The following NRG3 variants were observed in gnomAD, a reference collection of about 807,000 sequenced individuals.
The protein encoded by NRG3 is pro-neuregulin-3, membrane-bound isoform.
A neutral mutation model predicts 66.9 loss-of-function variants in NRG3; 31 were observed. That is an observed-to-expected ratio of 0.46 (90% CI 0.35 to 0.63). NRG3 has a LOEUF of 0.63. NRG3 is among the 20% of genes least tolerant of loss of function. The pLI, the probability that NRG3 is intolerant of heterozygous loss-of-function variation, is 0.00. For synonymous variants in NRG3, 393 were observed against 359.4 expected (o/e 1.09, Z -1.06); for missense variants, 910 against 878.9 (o/e 1.04, Z -0.45).
intron 2 of NRG3, among the ~76,000 whole-genome samples, chr10:82,562,775 G>C (rs900592015): frequency 6.6e-6 from 1 of 151,594 alleles, no homozygotes; most frequent in Non-Finnish European, 1.5e-5. Flanking sequence ...CTAGTGGTCG[G>C]CCTTGTTGGA....
rs549146792 is a variant in NRG3, at chr10:81,940,258, C to T, written c.823+64095C>T. Among the ~76,000 whole-genome samples, 4 of 152,108 alleles carry T rather than the reference C, an allele frequency of 2.6e-5. No homozygotes were observed. In the South Asian group the frequency reaches 8.3e-4, roughly 32 times the overall value. On this transcript the variant is annotated intron_variant, in intron 1 of 8. Transcript: ENST00000372141. ...GTATTCTGCTCTTATTCTGTGGAGA[C>T]CTCTGTATATGTCTCTTGGGTCCAG...
intron 3 of NRG3, among the ~76,000 whole-genome samples, chr10:82,838,255 G>C (rs2062877305): frequency 6.6e-6 from 1 of 152,134 alleles, no homozygotes; most frequent in Admixed American, 6.6e-5. Flanking sequence ...ACTCTGAAGG[G>C]TGTCAGTAGA....
At chr10:82,581,402 T>C (rs2046348336) in intron 2 of NRG3, among the ~76,000 whole-genome samples, 1 of 152,092 alleles carries the variant, frequency 6.6e-6, no homozygotes, top group African/African-American at 2.4e-5. Context: ...CTTAGTTTTC[T>C]TAATGGTATT....
chr10:81,922,808 G>C (rs1004635109), intron 1 of NRG3, among the ~76,000 whole-genome samples: 11 of 152,038 alleles, frequency 7.2e-5, no homozygotes, highest in Admixed American at 2.0e-4. Flanking sequence ...ATTTTTAAAT[G>C]TCCCAAATAT....
At chr10:81,989,610 T>C (rs911645680) in intron 1 of NRG3, among the ~76,000 whole-genome samples, 6 of 152,192 alleles carry the variant, frequency 3.9e-5, no homozygotes, top group African/African-American at 1.2e-4. Flanking sequence ...GTCATCTGTA[T>C]TGTTTTATGT....
At chr10:82,909,065 C>G (rs73311320) in intron 4 of NRG3, among the ~76,000 whole-genome samples, 5,970 of 152,242 alleles carry the variant, frequency 0.039, 138 homozygotes, top group Middle Eastern at 0.1. Context: ...GCCTGGCTGA[C>G]CATCAGGAAA....
At chr10:82,471,789 T>G (rs891115429) in intron 2 of NRG3, among the ~76,000 whole-genome samples, 5 of 151,722 alleles carry the variant, frequency 3.3e-5, no homozygotes, top group African/African-American at 1.2e-4. Flanking sequence ...CTCCTGAGGC[T>G]GAGGCAGGAG....
chr10:82,087,967 C>A (rs1364170808), intron 1 of NRG3, among the ~76,000 whole-genome samples: 1 of 152,098 alleles, frequency 6.6e-6, no homozygotes, highest in Non-Finnish European at 1.5e-5. Flanking sequence ...CATTTCCCGG[C>A]TGGATCCGAA....
intron 3 of NRG3, among the ~76,000 whole-genome samples, chr10:82,820,879 A>G (rs1254279372): frequency 6.6e-6 from 1 of 152,220 alleles, no homozygotes; most frequent in Admixed American, 6.5e-5. Context: ...TAGGTAAATA[A>G]TGAAATAACT....
intron 1 of NRG3, among the ~76,000 whole-genome samples, chr10:82,328,338 C>A (rs2081974464): frequency 6.6e-6 from 1 of 152,100 alleles, no homozygotes; most frequent in African/African-American, 2.4e-5. Flanking sequence ...GCTGAAGTAG[C>A]ATTCTGGATT....
chr10:82,041,216 A>G lies in NRG3; in HGVS notation c.823+165053A>G, dbSNP rs373789855. Among the ~76,000 whole-genome samples the G allele has an allele frequency of 3.3e-5, 5 of 152,134 alleles. No homozygotes were observed. The East Asian group carries it at 7.8e-4, about 24-fold the overall frequency. On this transcript the variant is annotated intron_variant, in intron 1 of 8. Coordinates refer to ENST00000372141, the MANE Select transcript of NRG3 (RefSeq NM_001010848.4). ...GTTTCTTTTTTTGTAAGGAGTCCTT[A>G]TGGCTTTCAGATCCCTTACTGGAAT...
intron 2 of NRG3, among the ~76,000 whole-genome samples, chr10:82,657,436 A>G (rs1193343272): frequency 6.6e-6 from 1 of 152,064 alleles, no homozygotes; most frequent in Admixed American, 6.6e-5. Context: ...ATTATTTTCA[A>G]GTAATTATGA....
At chr10:82,246,389 G>A (rs2077244890) in intron 1 of NRG3, among the ~76,000 whole-genome samples, 1 of 152,084 alleles carries the variant, frequency 6.6e-6, no homozygotes, top group Admixed American at 6.5e-5. Flanking sequence ...ACATGTTTTT[G>A]AATTTTCTCC....
At chr10:82,028,647 A>AGG (rs2062425334) in intron 1 of NRG3, among the ~76,000 whole-genome samples, 1 of 152,078 alleles carries the variant, frequency 6.6e-6, no homozygotes, top group Admixed American at 6.6e-5. Flanking sequence ...CCCTCAGATC[A>AGG]GCACACATCT....
chr10:82,406,363 G>A (rs2087521311), intron 2 of NRG3, among the ~76,000 whole-genome samples: 1 of 152,104 alleles, frequency 6.6e-6, no homozygotes, highest in Non-Finnish European at 1.5e-5. Context: ...ACAGCACATT[G>A]TTGCCTTCAG....
At chr10:82,172,525 A>C (rs940187458) in intron 1 of NRG3, among the ~76,000 whole-genome samples, 1 of 152,128 alleles carries the variant, frequency 6.6e-6, no homozygotes, top group African/African-American at 2.4e-5. Flanking sequence ...ATCTACGCTT[A>C]AATCTCAGCT....
chr10:82,745,655 A>G (rs1478534313), intron 3 of NRG3, among the ~76,000 whole-genome samples: 1 of 152,142 alleles, frequency 6.6e-6, no homozygotes, highest in African/African-American at 2.4e-5. Context: ...ATATTTTTAT[A>G]TATTTGATTG....
intron 1 of NRG3, chr10:81,889,348 A>G (rs1271061449): frequency 6.6e-6 from 1 of 152,128 alleles, no homozygotes; most frequent in Non-Finnish European, 1.5e-5. Flanking sequence ...TCCTTTCTGT[A>G]CTCATCACAT....
intron 1 of NRG3, among the ~76,000 whole-genome samples, chr10:81,929,617 G>C (rs555387249): frequency 3.3e-4 from 50 of 152,290 alleles, no homozygotes; most frequent in African/African-American, 1.0e-3. Flanking sequence ...TGACTACAAT[G>C]TATTTCCCTA....
Sources: gnomAD v4.1 joint callset for allele counts (sites outside exome capture counted in the v4.1 genomes callset) on GRCh38, gnomAD v4.1.1 for gene constraint, MANE v1.5 for transcripts, NCBI Gene and HGNC (gene_info 2026-07-23, HGNC 2026-07-21) for gene names.